The following SPMIP4 variants were observed in gnomAD, a reference collection of about 807,000 sequenced individuals.
SPMIP4 encodes the protein sperm-associated microtubule inner protein 4.
chr7:25,137,437 G>T, the SPMIP4 span, among the ~76,000 whole-genome samples: 1 of 151,044 alleles, frequency 6.6e-6, no homozygotes, highest in Non-Finnish European at 1.5e-5. Context: ...GTATTAATTT[G>T]CTAGCGCTGC....
the SPMIP4 span, among the ~76,000 whole-genome samples, chr7:25,149,944 G>A: frequency 6.6e-5 from 10 of 152,206 alleles, no homozygotes; most frequent in Non-Finnish European, 1.5e-4. Flanking sequence ...CAGGCCTCCT[G>A]ACCTGGTTCT....
At chr7:25,175,666 C>A in the SPMIP4 span, among the ~76,000 whole-genome samples, 1 of 152,118 alleles carries the variant, frequency 6.6e-6, no homozygotes. Flanking sequence ...TGCTAGGGCT[C>A]ACGTTCACCC....
At chr7:25,168,362 G>T in the SPMIP4 span, 1 of 1,613,282 alleles carries the variant, frequency 6.2e-7, no homozygotes, top group Non-Finnish European at 8.5e-7. Flanking sequence ...TCATACTTTG[G>T]CCTGTGGTCC....
chr7:25,155,576 A>G, the SPMIP4 span, among the ~76,000 whole-genome samples: 1 of 148,716 alleles, frequency 6.7e-6, no homozygotes. Context: ...GCTCCCAGGA[A>G]TTGTTTTGGG....
At chr7:25,165,985 A>G in the SPMIP4 span, among the ~76,000 whole-genome samples, 1 of 152,068 alleles carries the variant, frequency 6.6e-6, no homozygotes, top group Non-Finnish European at 1.5e-5. Context: ...TCTGCCAATC[A>G]TCCATATCTA....
At chr7:25,163,251 C>A in the SPMIP4 span, among the ~76,000 whole-genome samples, 1 of 152,176 alleles carries the variant, frequency 6.6e-6, no homozygotes, top group African/African-American at 2.4e-5. The surrounding 1 kb of genome is among the most constrained non-coding windows in gnomAD (Gnocchi z 4.4). Flanking sequence ...AATATAGTGT[C>A]ATTTCCTGTA....
At chr7:25,165,968 C>T in the SPMIP4 span, among the ~76,000 whole-genome samples, 2 of 152,138 alleles carry the variant, frequency 1.3e-5, no homozygotes, top group Non-Finnish European at 2.9e-5. Context: ...GCAAATGTGC[C>T]CTAAGTTCTG....
At chr7:25,155,031 G>A in the SPMIP4 span, 1 of 1,613,820 alleles carries the variant, frequency 6.2e-7, no homozygotes, top group Non-Finnish European at 8.5e-7. Flanking sequence ...CAAAACTGTT[G>A]AATCATAAGC....
chr7:25,169,293 A>G, the SPMIP4 span, among the ~76,000 whole-genome samples: 48 of 152,274 alleles, frequency 3.2e-4, no homozygotes, highest in Admixed American at 2.9e-3. Context: ...TTATTCACAG[A>G]TAAGTGCGAG....
At chr7:25,138,084 T>TTG in the SPMIP4 span, among the ~76,000 whole-genome samples, 1 of 152,270 alleles carries the variant, frequency 6.6e-6, no homozygotes, top group East Asian at 1.9e-4. This position sits in a 1 kb window ranked among gnomAD's most constrained non-coding sequence, Gnocchi z 6.2. Context: ...TAAGGACACT[T>TTG]GTCAATTTTA....
chr7:25,174,257 ACT>A, the SPMIP4 span, among the ~76,000 whole-genome samples: 2 of 143,126 alleles, frequency 1.4e-5, no homozygotes, highest in East Asian at 2.0e-4. The surrounding 1 kb of genome is among the most constrained non-coding windows in gnomAD (Gnocchi z 4.5). Flanking sequence ...TGTCTCTCTC[ACT>A]CTCTCTCCAT....
At chr7:25,161,620 A>AT in the SPMIP4 span, among the ~76,000 whole-genome samples, 57,037 of 131,072 alleles carry the variant, frequency 0.44, 13,023 homozygotes, top group Non-Finnish European at 0.49. Flanking sequence ...TTATTTATAG[A>AT]TTTTTTTTTT....
the SPMIP4 span, among the ~76,000 whole-genome samples, chr7:25,143,440 C>T: frequency 6.6e-6 from 1 of 152,244 alleles, no homozygotes; most frequent in Non-Finnish European, 1.5e-5. Flanking sequence ...TATATGTGCA[C>T]AGTAGTGGCT....
At chr7:25,168,402 A>G in the SPMIP4 span, 6 of 1,612,022 alleles carry the variant, frequency 3.7e-6, no homozygotes, top group South Asian at 1.1e-5. Flanking sequence ...TTATCCCACC[A>G]TACTCTCTTT....
chr7:25,141,033 A>G, the SPMIP4 span, among the ~76,000 whole-genome samples: 1 of 152,206 alleles, frequency 6.6e-6, no homozygotes, highest in Admixed American at 6.5e-5. Flanking sequence ...AAATAAAACA[A>G]CACATATGCA....
chr7:25,144,697 C>T, the SPMIP4 span, among the ~76,000 whole-genome samples: 1 of 152,186 alleles, frequency 6.6e-6, no homozygotes. Flanking sequence ...AGGGCCACAG[C>T]CAGAGGAAGG....
the SPMIP4 span, among the ~76,000 whole-genome samples, chr7:25,129,910 G>C: frequency 1.3e-5 from 2 of 151,942 alleles, no homozygotes; most frequent in Non-Finnish European, 2.9e-5. Context: ...TTTCAAATCT[G>C]CCTCCCTAAG....
chr7:25,143,606 T>C, the SPMIP4 span, among the ~76,000 whole-genome samples: 89 of 90,392 alleles, frequency 9.8e-4, no homozygotes, highest in Admixed American at 6.9e-3. Flanking sequence ...TTTTTTTTTT[T>C]CCAGAGACAG....
the SPMIP4 span, among the ~76,000 whole-genome samples, chr7:25,176,647 A>G: frequency 6.6e-6 from 1 of 152,270 alleles, no homozygotes; most frequent in East Asian, 1.9e-4. The surrounding 1 kb of genome is among the most constrained non-coding windows in gnomAD (Gnocchi z 4.4). Flanking sequence ...ACACATATTA[A>G]GATGTTAACA....
Sources: allele counts gnomAD v4.1 joint callset (sites outside exome capture counted in the v4.1 genomes callset), GRCh38; gene constraint gnomAD v4.1.1; non-coding constraint Gnocchi (gnomAD v3.1); transcripts MANE v1.5; gene names NCBI Gene and HGNC (gene_info 2026-07-23, HGNC 2026-07-21).